The following C2CD2 variants were observed in gnomAD, a reference collection of about 807,000 sequenced individuals.
C2CD2 encodes the protein C2 calcium dependent domain containing 2.
A neutral mutation model predicts 74.3 loss-of-function variants in C2CD2; 43 were observed. That is an observed-to-expected ratio of 0.58 (90% CI 0.45 to 0.75). The LOEUF is 0.75. Ranked by LOEUF, C2CD2 falls within the 30% of genes least tolerant of loss-of-function variation. C2CD2 has a pLI of 0.00. For missense variants in C2CD2, 801 were observed against 916.3 expected, an observed-to-expected ratio of 0.87 and a Z score of 1.63; for synonymous variants, 422 against 390.7, an observed-to-expected ratio of 1.08 and a Z score of -0.94.
intron 13 of C2CD2, among the ~76,000 whole-genome samples, chr21:41,893,403 T>C (rs1421473395): frequency 6.6e-6 from 1 of 152,174 alleles, no homozygotes; most frequent in African/African-American, 2.4e-5. Flanking sequence ...AAAAACTGCC[T>C]AAAATTCTAA....
chr21:41,927,021 T>C (rs2065219657), intron 2 of C2CD2, among the ~76,000 whole-genome samples: 1 of 152,218 alleles, frequency 6.6e-6, no homozygotes. Context: ...TAAGACAGTA[T>C]GAACTGGATA....
Position 41,953,359 on chromosome 21 carries a change from C to A in C2CD2, c.279+11G>T. ...TCTGCCGCCCCCCGGCCCGCAGTCC[C>A]GGAAACTCACCCCTTTCCTCTCGGC... On this transcript the variant is annotated intron_variant, in intron 1 of 13. Coordinates refer to ENST00000380486, the MANE Select transcript of C2CD2 (RefSeq NM_015500.2). 7.1e-7 allele frequency: 1 copy of A among 1,410,036 alleles called. No individual in the cohort carries two copies. Among genetic ancestry groups the A allele is most frequent in the Non-Finnish European group, 9.3e-7 (1 of 1,078,128 alleles). 87.3% of individuals were successfully genotyped at this position (1,410,036 alleles called of 1,614,324 possible). A position where few individuals can be genotyped will look rare whatever the true frequency, so the allele number is the denominator to read the frequency against.
intron 6 of C2CD2, among the ~76,000 whole-genome samples, chr21:41,913,628 C>T (rs1046387754): frequency 1.3e-5 from 2 of 152,238 alleles, no homozygotes; most frequent in African/African-American, 2.4e-5. Flanking sequence ...TAGCTCTGCA[C>T]AGTCTCAGTT....
chr21:41,905,761 G>A lies in C2CD2; in HGVS notation c.1395C>T (p.Ser465=), dbSNP rs768612077. ...AAGAGAGTGTTTTGCTGACGGGGGC[G>A]CTGCGGCAGGCGATGGCCTGGACAG... is the stretch of plus-strand genomic sequence containing the variant. ...DISVQAIACR[S]APVSKTLSSS... The change falls in exon 11 of 14, where the codon AGC becomes AGT. Residue 465 remains serine, a synonymous_variant. Coordinates refer to ENST00000380486, the MANE Select transcript of C2CD2 (RefSeq NM_015500.2). The A allele has an allele frequency of 2.5e-5, 41 of 1,610,452 alleles. No homozygotes were observed. Among genetic ancestry groups the A allele is most frequent in the African/African-American group, 8.0e-5 (6 of 74,802 alleles).
chr21:41,944,700 G>A (rs2065384843), intron 1 of C2CD2, among the ~76,000 whole-genome samples: 1 of 152,088 alleles, frequency 6.6e-6, no homozygotes, highest in South Asian at 2.1e-4. Context: ...ACAAATTCAG[G>A]TATCTCTGCA....
chr21:41,897,057 C>G (rs2064832155), intron 13 of C2CD2, among the ~76,000 whole-genome samples: 1 of 152,222 alleles, frequency 6.6e-6, no homozygotes, highest in Non-Finnish European at 1.5e-5. Flanking sequence ...CAGCCCCAGC[C>G]CCCAACACAC....
At chr21:41,941,985 C>T (rs1004923695) in intron 2 of C2CD2, 162 bp downstream of exon 2, 1 of 466,782 alleles carries the variant, frequency 2.1e-6, no homozygotes, top group Non-Finnish European at 2.8e-6. Flanking sequence ...GTGGACGGAT[C>T]ACACTTTCTT....
At chr21:41,907,895 G>A in intron 8 of C2CD2, 111 bp from the exon 9 acceptor site, 1 of 1,103,212 alleles carries the variant, frequency 9.1e-7, no homozygotes, top group Non-Finnish European at 1.4e-6. Context: ...CGTGCATCCA[G>A]CCCACGGGGA....
chr21:41,939,236 A>G lies in C2CD2; in HGVS notation c.378+2911T>C, dbSNP rs527777230. On this transcript the variant is annotated intron_variant, in intron 2 of 13. Coordinates refer to ENST00000380486, the MANE Select transcript of C2CD2 (RefSeq NM_015500.2). This position sits in a 1 kb window ranked among gnomAD's most constrained non-coding sequence, Gnocchi z 5.5. ...CTAATTTACATGTACTATTTCTGTC[A>G]TGTCCATTTCTGAAATTGTATTTAT... Among the ~76,000 whole-genome samples the G allele has an allele frequency of 1.3e-5, 2 of 152,320 alleles. No individual in the cohort carries two copies. Among genetic ancestry groups the G allele is most frequent in the Admixed American group, 6.5e-5 (1 of 15,296 alleles).
chr21:41,917,299 T>C (rs1405197444), intron 5 of C2CD2, among the ~76,000 whole-genome samples: 1 of 152,232 alleles, frequency 6.6e-6, no homozygotes, highest in African/African-American at 2.4e-5. Context: ...CACAGGAATT[T>C]GTATTTTCAA....
At chr21:41,951,772 T>C (rs190910988) in intron 1 of C2CD2, among the ~76,000 whole-genome samples, 2 of 152,332 alleles carry the variant, frequency 1.3e-5, no homozygotes, top group Admixed American at 6.5e-5. Context: ...GGAAGGATCA[T>C]ATCCAAGAGG....
At chr21:41,894,969 C>T (rs1471459932) in intron 13 of C2CD2, 10 of 456,384 alleles carry the variant, frequency 2.2e-5, no homozygotes, top group South Asian at 3.1e-5. Flanking sequence ...TGTGAGGTGT[C>T]GCTGTGTCAA....
Position 41,899,132 on chromosome 21 carries a change from G to C in C2CD2, c.1791C>G (p.Val597=). The part of the protein sequence containing the change: ...EPQAAAWSSQ[V]LLDPDGDELS... ...GCTCATCACCGTCGGGGTCCAGCAGGACCTGGCTGCTCCATGCCGCGGCCT... is the reference window on the plus strand; with the variant it reads ...GCTCATCACCGTCGGGGTCCAGCAGCACCTGGCTGCTCCATGCCGCGGCCT... Residue 597 remains valine (V), a synonymous_variant, in exon 13 of 14, where the codon GTC becomes GTG. Coordinates refer to ENST00000380486, the MANE Select transcript of C2CD2 (RefSeq NM_015500.2). This position sits in a 1 kb window ranked among gnomAD's most constrained non-coding sequence, Gnocchi z 4.4. The C allele has an allele frequency of 6.2e-7, 1 of 1,613,840 alleles. No individual in the cohort carries two copies. The highest frequency in any genetic ancestry group is 2.2e-5 in the East Asian group (1 of 44,860).
rs2146116748 is a variant in C2CD2, at chr21:41,886,525, G to C, written c.*2599C>G. 6.6e-6 allele frequency: 1 copy of C among 152,254 alleles called. No individual in the cohort carries two copies. Among genetic ancestry groups the C allele is most frequent in the East Asian group, 1.9e-4 (1 of 5,180 alleles). 9.4% of individuals were successfully genotyped at this position (152,254 alleles called of 1,614,324 possible). ...TTCATAAACTCCCTCCCATGTTGGT[G>C]TTTTCTGTAACTTCAGAAAAGGCCA... is the stretch of plus-strand genomic sequence containing the variant. On this transcript the variant is annotated 3_prime_UTR_variant, in exon 14 of 14. Coordinates refer to ENST00000380486, the MANE Select transcript of C2CD2 (RefSeq NM_015500.2).
chr21:41,930,855 G>A (rs1298446479), intron 2 of C2CD2, among the ~76,000 whole-genome samples: 1 of 150,166 alleles, frequency 6.7e-6, no homozygotes, highest in Non-Finnish European at 1.5e-5. Flanking sequence ...CTGATGTGTG[G>A]ACCTCAGACC....
chr21:41,948,882 T>TTTTTTTTTTTG (rs2065425736), intron 1 of C2CD2, among the ~76,000 whole-genome samples: 1 of 132,678 alleles, frequency 7.5e-6, no homozygotes, highest in Admixed American at 7.8e-5. Flanking sequence ...TTTTTTTTTT[T>TTTTTTTTTTTG]TTTTTTTTTT....
rs762522034 is a variant in C2CD2, at chr21:41,929,331, G to T, written c.379-7246C>A. Among the ~76,000 whole-genome samples the T allele has an allele frequency of 6.3e-4, 96 of 152,160 alleles. 1 individual carries two copies. Among genetic ancestry groups the T allele is most frequent in the Non-Finnish European group, 4.9e-4 (33 of 68,026 alleles). On this transcript the variant is annotated intron_variant, in intron 2 of 13. Coordinates refer to ENST00000380486, the MANE Select transcript of C2CD2 (RefSeq NM_015500.2). This position sits in a 1 kb window ranked among gnomAD's most constrained non-coding sequence, Gnocchi z 4.6. Reference sequence around the variant, plus strand: ...GGAGCATGGTGAGCTCTCATGAGAAGGGATACAAGCTCTATACCCAGGGCC... The same window carrying T: ...GGAGCATGGTGAGCTCTCATGAGAATGGATACAAGCTCTATACCCAGGGCC...
At chr21:41,925,099 C>A (rs981992683) in intron 2 of C2CD2, among the ~76,000 whole-genome samples, 2 of 152,284 alleles carry the variant, frequency 1.3e-5, no homozygotes, top group Admixed American at 6.5e-5. Flanking sequence ...TCTTCCCCAA[C>A]CCTAGGGCTT....
At position 41,947,141 on chromosome 21, in the gene C2CD2, C is replaced by CTCTCTCTCTCTCTCTCT. The variant is rs1569084407; in HGVS notation, c.280-4897_280-4896insAGAGAGAGAGAGAGAGA. ...CTCTCTCTCTCTCTCTCTCTCTCTC[C>CTCTCTCTCTCTCTCTCT]CTCCCTCCCTCCCTCCCTCTCTCCT... On this transcript the variant is annotated intron_variant, in intron 1 of 13. Transcript: ENST00000380486. Among the ~76,000 whole-genome samples, 33 of 20,178 alleles carry CTCTCTCTCTCTCTCTCT rather than the reference C, an allele frequency of 1.6e-3. 2 individuals carry two copies. Among genetic ancestry groups the CTCTCTCTCTCTCTCTCT allele is most frequent in the African/African-American group, 6.6e-3 (29 of 4,372 alleles). The allele number at this position is 20,178 out of a possible 152,430, so 13.2% of individuals were successfully genotyped here.
Sources: gnomAD v4.1 joint callset for allele counts (sites outside exome capture counted in the v4.1 genomes callset) on GRCh38, gnomAD v4.1.1 for gene constraint, Gnocchi (gnomAD v3.1) non-coding constraint, MANE v1.5 for transcripts, NCBI Gene and HGNC (gene_info 2026-07-23, HGNC 2026-07-21) for gene names.